GALNTL6: variants seen among roughly 807,000 people sequenced by gnomAD.
GALNTL6 encodes polypeptide N-acetylgalactosaminyltransferase like 6.
In GALNTL6, 46 loss-of-function variants were observed where a neutral mutation model predicts 73.7. The ratio of observed to expected loss-of-function variants is 0.62; its 90% CI spans 0.49 to 0.80. The LOEUF (loss-of-function observed/expected upper bound fraction) is 0.80. Ranked by LOEUF, GALNTL6 falls within the 30% of genes least tolerant of loss-of-function variation. GALNTL6 has a pLI of 0.00. For missense variants in GALNTL6, 604 were observed against 755.0 expected (o/e 0.80, Z 2.34); for synonymous variants, 259 against 263.7 (o/e 0.98, Z 0.17).
intron 8 of GALNTL6, among the ~76,000 whole-genome samples, chr4:172,922,989 C>A (rs750520388): frequency 2.8e-4 from 43 of 152,102 alleles, no homozygotes; most frequent in Non-Finnish European, 5.3e-4. Flanking sequence ...CAGAGATCAC[C>A]AGAAACAGGT....
intron 8 of GALNTL6, among the ~76,000 whole-genome samples, chr4:172,902,916 G>A (rs1261843686): frequency 4.6e-5 from 7 of 152,270 alleles, no homozygotes; most frequent in Admixed American, 1.3e-4. Flanking sequence ...TTCTATCTCC[G>A]AAGGAGCTGA....
chr4:172,262,509 G>A (rs1211244651), intron 3 of GALNTL6, among the ~76,000 whole-genome samples: 3 of 151,470 alleles, frequency 2.0e-5, no homozygotes, highest in Non-Finnish European at 4.4e-5. Flanking sequence ...AAATTTATGT[G>A]AGTCCTGATG....
At chr4:172,872,574 C>A (rs894285281) in intron 7 of GALNTL6, among the ~76,000 whole-genome samples, 1 of 152,122 alleles carries the variant, frequency 6.6e-6, no homozygotes, top group African/African-American at 2.4e-5. Flanking sequence ...AATAAGTTAT[C>A]CTTCAAAAAA....
At chr4:172,606,360 A>G (rs1738261006) in intron 5 of GALNTL6, among the ~76,000 whole-genome samples, 1 of 151,310 alleles carries the variant, frequency 6.6e-6, no homozygotes, top group African/African-American at 2.4e-5. Flanking sequence ...AGGCTGAGGC[A>G]GGAGAATCGC....
At chr4:172,054,353 TACATGAATTAA>T (rs1248043941) in intron 2 of GALNTL6, among the ~76,000 whole-genome samples, 1 of 152,202 alleles carries the variant, frequency 6.6e-6, no homozygotes, top group Non-Finnish European at 1.5e-5. Context: ...ATACTTTATT[TACATGAATTAA>T]ACATGCAAAG....
At chr4:171,899,331 T>C (rs1392084288) in intron 2 of GALNTL6, among the ~76,000 whole-genome samples, 3 of 152,132 alleles carry the variant, frequency 2.0e-5, no homozygotes, top group Non-Finnish European at 4.4e-5. Flanking sequence ...AGTCTTCCTG[T>C]TACATTATGG....
intron 5 of GALNTL6, among the ~76,000 whole-genome samples, chr4:172,710,657 T>G (rs1362610649): frequency 6.6e-6 from 1 of 152,192 alleles, no homozygotes; most frequent in African/African-American, 2.4e-5. Context: ...GTTGTTTTGC[T>G]GTTATAATTT....
At chr4:171,968,822 AT>A (rs1162075144) in intron 2 of GALNTL6, among the ~76,000 whole-genome samples, 10 of 102,926 alleles carry the variant, frequency 9.7e-5, no homozygotes, top group East Asian at 6.1e-4. Flanking sequence ...CCCTTGTTCT[AT>A]TTTTTTTTTG....
At chr4:172,528,098 A>C (rs551515113) in intron 5 of GALNTL6, among the ~76,000 whole-genome samples, 2 of 151,600 alleles carry the variant, frequency 1.3e-5, no homozygotes, top group Non-Finnish European at 2.9e-5. Context: ...AATCAACTAC[A>C]ATATTCTGAG....
At chr4:171,892,978 T>C (rs1736805208) in intron 2 of GALNTL6, among the ~76,000 whole-genome samples, 1 of 152,152 alleles carries the variant, frequency 6.6e-6, no homozygotes, top group African/African-American at 2.4e-5. Context: ...TGTTCATTGC[T>C]CATTTCCCAG....
chr4:172,203,973 C>T (rs1206054686), intron 2 of GALNTL6, among the ~76,000 whole-genome samples: 6 of 151,986 alleles, frequency 3.9e-5, no homozygotes, highest in Non-Finnish European at 5.9e-5. Flanking sequence ...CTCGAACTAA[C>T]GACCTCAGGT....
chr4:172,149,536 T>G (rs1283407097), intron 2 of GALNTL6, among the ~76,000 whole-genome samples: 2 of 152,154 alleles, frequency 1.3e-5, no homozygotes, highest in Admixed American at 1.3e-4. Flanking sequence ...CAAGCTGCTC[T>G]TTTACACTGC....
intron 5 of GALNTL6, among the ~76,000 whole-genome samples, chr4:172,654,238 T>G (rs1004201782): frequency 1.3e-5 from 2 of 152,200 alleles, no homozygotes; most frequent in African/African-American, 4.8e-5. Context: ...ATGTCTCCTT[T>G]ATTCTGGTTT....
intron 5 of GALNTL6, among the ~76,000 whole-genome samples, chr4:172,522,609 G>T (rs1256417059): frequency 6.7e-6 from 1 of 149,836 alleles, no homozygotes; most frequent in Non-Finnish European, 1.5e-5. Context: ...GGCGGAGTTT[G>T]CAGTGAGCTG....
At chr4:172,502,488 TC>T (rs11336694) in intron 5 of GALNTL6, among the ~76,000 whole-genome samples, 118,063 of 152,028 alleles carry the variant, frequency 0.78, 46,424 homozygotes, top group East Asian at 0.99. Context: ...CTTTGGCTCA[TC>T]TATTTGATCC....
chr4:172,190,192 T>TA (rs1457794434), intron 2 of GALNTL6, among the ~76,000 whole-genome samples: 8 of 152,208 alleles, frequency 5.3e-5, no homozygotes, highest in Non-Finnish European at 1.5e-5. Context: ...CACATTTCTT[T>TA]AAAAAATAAA....
intron 5 of GALNTL6, among the ~76,000 whole-genome samples, chr4:172,764,573 C>CA (rs200809597): frequency 0.045 from 6,821 of 151,490 alleles, 272 homozygotes; most frequent in African/African-American, 0.1. Flanking sequence ...AGTAAAAAAA[C>CA]AAAAAACTCT....
rs145288893 is a variant in GALNTL6 at position 172,758,129 on chromosome 4, G to A, written c.554-51232G>A. ...TCTTTATGTGCACACAACCACCTATGTACACATAAACATCTATATATTCAT... is the reference window on the plus strand; with the variant it reads ...TCTTTATGTGCACACAACCACCTATATACACATAAACATCTATATATTCAT... On this transcript the variant is annotated intron_variant, in intron 5 of 12. Transcript: ENST00000506823. 1.4e-3 allele frequency among the ~76,000 whole-genome samples: 218 copies of A among 152,144 alleles called. 1 individual carries two copies. The highest frequency in any genetic ancestry group is 5.0e-3 in the African/African-American group (209 of 41,492).
chr4:172,369,524 G>A (rs1163157899), intron 5 of GALNTL6, among the ~76,000 whole-genome samples: 1 of 152,212 alleles, frequency 6.6e-6, no homozygotes, highest in Non-Finnish European at 1.5e-5. Context: ...GGAGCAGGGG[G>A]TGGCACCCGT....
Sources: gnomAD v4.1 joint callset for allele counts (sites outside exome capture counted in the v4.1 genomes callset) on GRCh38, gnomAD v4.1.1 for gene constraint, MANE v1.5 for transcripts, NCBI Gene and HGNC (gene_info 2026-07-23, HGNC 2026-07-21) for gene names.